The following F5 variants were observed in gnomAD, a reference collection of about 807,000 sequenced individuals.
F5 encodes coagulation factor V, also known as activated protein c cofactor.
F5 carries 138 observed loss-of-function variants against 216.4 expected under a neutral mutation model. The observed-to-expected ratio is 0.64, with a 90% CI of 0.56 to 0.73. The LOEUF (loss-of-function observed/expected upper bound fraction) is 0.73. Ranked by LOEUF, F5 falls within the 30% of genes least tolerant of loss-of-function variation. The pLI is 0.00. For synonymous variants in F5, 916 were observed against 930.7 expected, an observed-to-expected ratio of 0.98 and a Z score of 0.29; for missense variants, 2,403 against 2,674.0, an observed-to-expected ratio of 0.90 and a Z score of 2.24.
At chr1:169,536,891 T>C (rs1007973674) in intron 13 of F5, among the ~76,000 whole-genome samples, 3 of 152,106 alleles carry the variant, frequency 2.0e-5, no homozygotes, top group African/African-American at 4.8e-5. Flanking sequence ...TAGGTAAGTC[T>C]TCCTATGACC....
In F5 at chr1:169,562,618, T is replaced by C. The variant is rs1660508414; in HGVS notation, c.374-1852A>G. Among the ~76,000 whole-genome samples, 3 of 152,168 alleles carry C rather than the reference T, an allele frequency of 2.0e-5. No individual in the cohort carries two copies. In the South Asian group the frequency reaches 6.2e-4, roughly 32 times the overall value. On this transcript the variant is annotated intron_variant, in intron 3 of 24. Coordinates refer to ENST00000367797, the MANE Select transcript of F5 (RefSeq NM_000130.5). ...TGTTTAATCTCCATTGTTGCCTTCT[T>C]AGCTTTGTTTTCTTAGTGGTGCCCT...
chr1:169,532,325 AT>A (rs1348921584), intron 14 of F5, among the ~76,000 whole-genome samples: 1 of 152,184 alleles, frequency 6.6e-6, no homozygotes, highest in Non-Finnish European at 1.5e-5. Flanking sequence ...CTTATTCAAC[AT>A]AGTACTGGAA....
intron 13 of F5, among the ~76,000 whole-genome samples, chr1:169,538,224 G>A (rs1358176858): frequency 6.6e-6 from 1 of 152,124 alleles, no homozygotes; most frequent in Non-Finnish European, 1.5e-5. Flanking sequence ...CATAAAATAA[G>A]CCAGGCACAG....
chr1:169,552,498 G>T, intron 8 of F5, 59 bp downstream of exon 8: 1 of 1,356,260 alleles, frequency 7.4e-7, no homozygotes, highest in South Asian at 1.3e-5. Flanking sequence ...AAATAACCAG[G>T]TACTCCATAA....
At position 169,542,226 on chromosome 1, in the gene F5, C is replaced by G. The variant is rs199507543; in HGVS notation, c.2864G>C (p.Ser955Thr). ...ATCAGTATCTTGGATTATTTCATAGCTACCTTTCTCAGAAGCCAAATGCCA... is the reference window on the plus strand; with the variant it reads ...ATCAGTATCTTGGATTATTTCATAGGTACCTTTCTCAGAAGCCAAATGCCA... The part of the protein sequence containing the change: ...GRWHLASEKG[S>T]YEIIQDTDED... Residue 955 changes from serine (S) to threonine (T), a missense_variant, in exon 13 of 25, where the codon AGC becomes ACC. This residue lies in a region of F5 where 1,425 missense variants were observed against 1,554.8 expected (regional missense o/e 0.92). Transcript: ENST00000367797. 1.2e-6 allele frequency: 2 copies of G among 1,614,086 alleles called. No homozygotes were observed. The highest frequency in any genetic ancestry group is 1.7e-6 in the Non-Finnish European group (2 of 1,179,988).
At chr1:169,534,560 C>A (rs535965862) in intron 14 of F5, among the ~76,000 whole-genome samples, 1 of 151,080 alleles carries the variant, frequency 6.6e-6, no homozygotes, top group East Asian at 1.9e-4. Context: ...CCCAGCTACT[C>A]GGGAGGCTGA....
At chr1:169,583,852 A>G (rs1424858204) in intron 1 of F5, among the ~76,000 whole-genome samples, 1 of 152,242 alleles carries the variant, frequency 6.6e-6, no homozygotes, top group Non-Finnish European at 1.5e-5. Flanking sequence ...TAGAGAAGGT[A>G]GTGGATTCTC....
rs761915766 is a variant in F5, at chr1:169,546,585, G to T, written c.1619C>A (p.Ala540Glu). ...AAACACAGCCTGCTGTTCGATGTCT[G>T]CTGCCCTCTGGAGGACAAAACAGTA... is the stretch of plus-strand genomic sequence containing the variant. ...SLDRRGIQRA[A>E]DIEQQAVFAV... Residue 540 changes from alanine (A) to glutamate (E), a missense_variant, in exon 11 of 25, where the codon GCA becomes GAA. Physicochemically the swap from Ala to Glu is moderately radical, Grantham distance 107. Coordinates refer to ENST00000367797, the MANE Select transcript of F5 (RefSeq NM_000130.5). The T allele has an allele frequency of 1.2e-6, 2 of 1,613,952 alleles. No homozygotes were observed. The highest frequency in any genetic ancestry group is 1.7e-5 in the Admixed American group (1 of 60,008).
intron 5 of F5, 71 bp from the exon 6 acceptor site, chr1:169,556,938 A>G: frequency 7.3e-7 from 1 of 1,374,354 alleles, no homozygotes; most frequent in Non-Finnish European, 1.0e-6. Context: ...ACATTCACTC[A>G]CCAAGTGTAT....
At chr1:169,559,430 A>G in intron 4 of F5, 134 bp from the exon 5 acceptor site, 1 of 913,948 alleles carries the variant, frequency 1.1e-6, no homozygotes, top group East Asian at 2.6e-5. Context: ...ATTTTTTAAA[A>G]TAGCATATTT....
intron 3 of F5, among the ~76,000 whole-genome samples, chr1:169,570,810 T>A (rs751002755): frequency 2.6e-5 from 4 of 152,176 alleles, no homozygotes; most frequent in Non-Finnish European, 5.9e-5. Flanking sequence ...ATTTATTATC[T>A]GTTATATGCC....
chr1:169,558,837 C>A (rs9332570), intron 5 of F5, among the ~76,000 whole-genome samples: 1 of 151,970 alleles, frequency 6.6e-6, no homozygotes, highest in East Asian at 1.9e-4. Flanking sequence ...CTTGAAGAAG[C>A]CATGGTCATC....
chr1:169,567,542 CTTT>C (rs35544182), intron 3 of F5, among the ~76,000 whole-genome samples: 144 of 141,380 alleles, frequency 1.0e-3, no homozygotes, highest in Admixed American at 1.5e-3. Context: ...GGTAAAAGTA[CTTT>C]TTTTTTTTTT....
Position 169,540,500 on chromosome 1 carries a change from C to G in F5, c.4590G>C (p.Glu1530Asp). 6.2e-7 allele frequency: 1 copy of G among 1,613,972 alleles called. No individual in the cohort carries two copies. Among genetic ancestry groups the G allele is most frequent in the Non-Finnish European group, 8.5e-7 (1 of 1,179,956 alleles). The change falls in exon 13 of 25, where the codon GAG becomes GAC. Residue 1530 changes from glutamate to aspartate, a missense_variant. Transcript: ENST00000367797. Reference sequence around the variant, plus strand: ...CATAGTCATCTTCACTGCTCTGGACCTCTTCCTTTGGAATGATCTCAATGT... The same window carrying G: ...CATAGTCATCTTCACTGCTCTGGACGTCTTCCTTTGGAATGATCTCAATGT... ...TDYIEIIPKEEVQSSEDDYAE... is the reference protein window; with the variant it reads ...TDYIEIIPKEDVQSSEDDYAE...
chr1:169,534,152 C>T (rs1659651025), intron 14 of F5, among the ~76,000 whole-genome samples: 1 of 152,126 alleles, frequency 6.6e-6, no homozygotes, highest in Non-Finnish European at 1.5e-5. Flanking sequence ...CAATCAATCA[C>T]GACCCACTCA....
At position 169,542,395 on chromosome 1, in the gene F5, C is replaced by A; in HGVS notation, c.2695G>T (p.Gly899Cys). The A allele has an allele frequency of 6.2e-7, 1 of 1,614,058 alleles. No homozygotes were observed. Among genetic ancestry groups the A allele is most frequent in the Non-Finnish European group, 8.5e-7 (1 of 1,179,978 alleles). Residue 899 changes from glycine (G) to cysteine (C), a missense_variant, in exon 13 of 25, where the codon GGT (glycine) becomes TGT (cysteine). This residue lies in a region of F5 where 1,425 missense variants were observed against 1,554.8 expected (regional missense o/e 0.92). Transcript: ENST00000367797. ...KVGRHLSQDT[G>C]SPSGMRPWED... is the part of the protein sequence containing the mutation. ...CAGGGCCTCATTCCGGAAGGAGAAC[C>A]AGTGTCTTGGCTTAGGTGTCTCCCA...
chr1:169,538,429 C>CA (rs975389231), intron 13 of F5, among the ~76,000 whole-genome samples: 55 of 152,240 alleles, frequency 3.6e-4, no homozygotes, highest in African/African-American at 1.2e-3. Flanking sequence ...TAGTTAATAA[C>CA]AACACACTGA....
chr1:169,530,900 A>T lies in F5; in HGVS notation c.5094T>A (p.Asn1698Lys). The T allele has an allele frequency of 6.2e-7, 1 of 1,613,942 alleles. No homozygotes were observed. The highest frequency in any genetic ancestry group is 1.3e-5 in the African/African-American group (1 of 75,016). Residue 1698 changes from asparagine (N) to lysine (K), a missense_variant, in exon 15 of 25, where the codon AAT becomes AAA. Transcript: ENST00000367797. ...DDSPEWFKEDNAVQPNSSYTY... is the reference protein window; with the variant it reads ...DDSPEWFKEDKAVQPNSSYTY... Reference sequence around the variant, plus strand: ...TATAACTGCTATTTGGCTGAACAGCATTATCTTCCTTAAACCATTCAGGAG... The same window carrying T: ...TATAACTGCTATTTGGCTGAACAGCTTTATCTTCCTTAAACCATTCAGGAG...
intron 6 of F5, among the ~76,000 whole-genome samples, chr1:169,555,900 G>T (rs558406288): frequency 8.0e-4 from 122 of 152,162 alleles, no homozygotes; most frequent in Non-Finnish European, 1.4e-3. Context: ...AAACAGAAAT[G>T]ATCTCATGAA....
Sources: allele counts gnomAD v4.1 joint callset (sites outside exome capture counted in the v4.1 genomes callset), GRCh38; gene constraint gnomAD v4.1.1; regional missense constraint gnomAD v4.1.1; transcripts MANE v1.5; gene names NCBI Gene and HGNC (gene_info 2026-07-23, HGNC 2026-07-21).